Variants in BRD9 observed in about 807,000 individuals in gnomAD.
BRD9 encodes bromodomain-containing protein 9.
Under a neutral mutation model 68.7 loss-of-function variants are expected in BRD9, and 47 were observed. The ratio of observed to expected loss-of-function variants is 0.68; its 90% CI spans 0.54 to 0.87. The LOEUF is 0.87. BRD9 is among the 40% of genes least tolerant of loss of function. The pLI is 0.00. For synonymous variants in BRD9, 313 were observed against 293.9 expected (o/e 1.06, Z -0.67); for missense variants, 670 against 748.4 (o/e 0.90, Z 1.22).
intron 12 of BRD9, among the ~76,000 whole-genome samples, chr5:874,604 A>G (rs1299586617): frequency 6.6e-6 from 1 of 152,264 alleles, no homozygotes; most frequent in East Asian, 1.9e-4. Flanking sequence ...GAAACGGCAG[A>G]GGCGACAGAC....
intron 6 of BRD9, 124 bp from the exon 7 acceptor site, chr5:886,831 G>A (rs1204883239): frequency 4.0e-6 from 6 of 1,483,008 alleles, no homozygotes; most frequent in South Asian, 2.5e-5. Flanking sequence ...GTGCCGTGAC[G>A]ATGGGATGGG....
chr5:884,101 A>T, intron 7 of BRD9, 31 bp from the exon 8 acceptor site: 1 of 1,605,628 alleles, frequency 6.2e-7, no homozygotes, highest in Non-Finnish European at 8.5e-7. Flanking sequence ...AGTCACCTGG[A>T]GGCAGCGTCC....
intron 6 of BRD9, chr5:886,976 G>A (rs1192035144): frequency 1.8e-6 from 1 of 544,432 alleles, no homozygotes; most frequent in East Asian, 3.3e-5. Context: ...CTCCTACGTG[G>A]GATGCATGCA....
intron 8 of BRD9, chr5:883,560 G>A (rs952699371): frequency 1.5e-5 from 6 of 391,108 alleles, no homozygotes; most frequent in African/African-American, 4.2e-5. Context: ...CCATCTGTCG[G>A]ATCCAACACC....
chr5:878,475 G>T lies in BRD9; in HGVS notation c.1151C>A (p.Ser384Tyr). The T allele has an allele frequency of 6.2e-7, 1 of 1,614,204 alleles. No individual in the cohort carries two copies. Among genetic ancestry groups the T allele is most frequent in the Non-Finnish European group, 8.5e-7 (1 of 1,180,052 alleles). ...CATCGAAAGCGCAGTAGTGGCACTG[G>T]AGAGAAAGGTGACTGGGAGGAAGAG... The part of the protein sequence containing the change: ...DERRNKVTFL[S>Y]SATTALSMQN... Residue 384 changes from serine to tyrosine, a missense_variant, in exon 11 of 16, where the codon TCC becomes TAC. Physicochemically the swap from Ser to Tyr is moderately radical, Grantham distance 144 (BLOSUM62 -2). Transcript: ENST00000467963.
intron 12 of BRD9, among the ~76,000 whole-genome samples, chr5:875,698 G>A (rs193056647): frequency 6.6e-6 from 1 of 151,950 alleles, no homozygotes; most frequent in South Asian, 2.1e-4. Flanking sequence ...TACAGTAGAT[G>A]GGAAAAAAGG....
At chr5:883,760 G>A in intron 8 of BRD9, 178 bp downstream of exon 8, 1 of 867,630 alleles carries the variant, frequency 1.2e-6, no homozygotes, top group East Asian at 2.7e-5. Flanking sequence ...GAGGCACCTG[G>A]ACCCCGACTG....
intron 15 of BRD9, among the ~76,000 whole-genome samples, chr5:864,838 GGGCAGTTCCCAAA>G (rs1007716673): frequency 1.6e-4 from 25 of 152,296 alleles, no homozygotes; most frequent in African/African-American, 5.8e-4. Context: ...CCAGACCTCA[GGGCAGTTCCCAAA>G]GTCATACTGG....
In BRD9 at chr5:871,552, G is replaced by A; in HGVS notation, c.1396C>T (p.Pro466Ser). ...LFQLKQRRNVPMKPPDEAKVG... is the reference protein window; with the variant it reads ...LFQLKQRRNVSMKPPDEAKVG... ...TTGGCTTCATCTGGAGGCTTCATGG[G>A]AACATTTCTTCTCTGAAAAGTAAAT... The change falls in exon 13 of 16, where the codon CCC (proline) becomes TCC (serine). Residue 466 changes from proline (P) to serine (S), a missense_variant. Pro to Ser is a moderately conservative substitution (Grantham distance 74). Transcript: ENST00000467963. 2 of 1,614,086 alleles carry A rather than the reference G, an allele frequency of 1.2e-6. No homozygotes were observed. The highest frequency in any genetic ancestry group is 1.7e-6 in the Non-Finnish European group (2 of 1,179,924).
chr5:868,944 G>A (rs751110472), intron 14 of BRD9: 49 of 191,020 alleles, frequency 2.6e-4, no homozygotes, highest in Non-Finnish European at 2.9e-4. Context: ...GCGCTGCACC[G>A]GCAGCCTCCC....
chr5:892,670 G>T lies in BRD9; in HGVS notation c.-13C>A. 1 of 1,409,648 alleles carries T rather than the reference G, an allele frequency of 7.1e-7. No individual in the cohort carries two copies. Among genetic ancestry groups the T allele is most frequent in the South Asian group, 1.6e-5 (1 of 63,810 alleles). 87.3% of individuals were successfully genotyped at this position (1,409,648 alleles called of 1,614,324 possible). On this transcript the variant is annotated 5_prime_UTR_variant, in exon 1 of 16. Transcript: ENST00000467963. The stretch of plus-strand genomic sequence containing the variant: ...GCTTCTTGCCCATGGCGGCGCCGGC[G>T]GCGGGCCCGAGGCGGGGGCTGGGAA...
In BRD9 at chr5:891,844, G is replaced by A. The variant is rs1380803740; in HGVS notation, c.63C>T (p.Asp21=). The part of the protein sequence containing the change: ...EWRSSYEDYA[D]KPLEKPLKLV... Reference sequence around the variant, plus strand: ...GCTTTAGAGGCTTCTCCAGGGGCTTGTCGGCATAATCTGCACAGACACAGA... The same window carrying A: ...GCTTTAGAGGCTTCTCCAGGGGCTTATCGGCATAATCTGCACAGACACAGA... The change falls in exon 2 of 16, where the codon GAC becomes GAT. Residue 21 remains aspartate (D), a synonymous_variant. Coordinates refer to ENST00000467963, the MANE Select transcript of BRD9 (RefSeq NM_023924.5). 4 of 1,551,340 alleles carry A rather than the reference G, an allele frequency of 2.6e-6. No homozygotes were observed. The highest frequency in any genetic ancestry group is 3.5e-6 in the Non-Finnish European group (4 of 1,146,976).
Position 876,202 on chromosome 5 carries a change from A to C in BRD9, c.1282T>G (p.Phe428Val). The C allele has an allele frequency of 6.2e-7, 1 of 1,613,042 alleles. No individual in the cohort carries two copies. Among genetic ancestry groups the C allele is most frequent in the Non-Finnish European group, 8.5e-7 (1 of 1,179,670 alleles). Residue 428 changes from phenylalanine to valine, a missense_variant, in exon 12 of 16, where the codon TTT becomes GTT. Around this residue, in one of 5 missense-constraint regions of BRD9, gnomAD observed 280 missense variants for 281.5 expected, o/e 0.99. Transcript: ENST00000467963. ...GVQCALSLQE[F>V]VKDAGSYSKK... Reference sequence around the variant, plus strand: ...CTGTAGCTCCCAGCATCCTTCACAAACTCCTGCAGGCTAGAGGGGCCGCGG... The same window carrying C: ...CTGTAGCTCCCAGCATCCTTCACAACCTCCTGCAGGCTAGAGGGGCCGCGG...
At chr5:882,774 C>G (rs980369819) in intron 8 of BRD9, among the ~76,000 whole-genome samples, 2 of 149,238 alleles carry the variant, frequency 1.3e-5, no homozygotes, top group Non-Finnish European at 3.0e-5. Flanking sequence ...TCCCAACACA[C>G]GAGCCACGCA....
intron 2 of BRD9, 111 bp from the exon 3 acceptor site, chr5:891,398 C>T (rs1192800815): frequency 9.8e-6 from 14 of 1,426,748 alleles, no homozygotes; most frequent in African/African-American, 5.8e-5. Flanking sequence ...GGGAAACCCC[C>T]TCCGAGATCC....
At chr5:873,659 T>C (rs1295710470) in intron 12 of BRD9, among the ~76,000 whole-genome samples, 2 of 152,206 alleles carry the variant, frequency 1.3e-5, no homozygotes, top group Admixed American at 1.3e-4. Flanking sequence ...CTGGCCCACC[T>C]TGCTTGGCGC....
Position 873,823 on chromosome 5 carries a change from C to T in BRD9, c.1384-2259G>A, listed in dbSNP as rs1197500280. Among the ~76,000 whole-genome samples the T allele has an allele frequency of 3.3e-5, 5 of 152,230 alleles. No individual in the cohort carries two copies. In the South Asian group the frequency reaches 8.3e-4, roughly 25 times the overall value. On this transcript the variant is annotated intron_variant, in intron 12 of 15. Coordinates refer to ENST00000467963, the MANE Select transcript of BRD9 (RefSeq NM_023924.5). Reference sequence around the variant, plus strand: ...CCCTCCTTGGGAGCCATGAGCCAAACGTTCTCAGAGCCTGGGAAGGACAGA... The same window carrying T: ...CCCTCCTTGGGAGCCATGAGCCAAATGTTCTCAGAGCCTGGGAAGGACAGA...
chr5:870,456 T>C lies in BRD9; in HGVS notation c.1525+17A>G. The stretch of plus-strand genomic sequence containing the variant: ...ACCTTCACCAGGTGCTGTGGGAAAG[T>C]GCCTGTTACAACTCACCCAGAGAGC... On this transcript the variant is annotated intron_variant, in intron 14 of 15. Transcript: ENST00000467963. 1 of 1,594,146 alleles carries C rather than the reference T, an allele frequency of 6.3e-7. No homozygotes were observed. Among genetic ancestry groups the C allele is most frequent in the Non-Finnish European group, 8.6e-7 (1 of 1,161,982 alleles).
At chr5:870,377 G>A in intron 14 of BRD9, 96 bp downstream of exon 14, 1 of 942,420 alleles carries the variant, frequency 1.1e-6, no homozygotes, top group East Asian at 2.5e-5. Flanking sequence ...TGGCATCCCT[G>A]TCTAGTCAGG....
Sources: allele counts gnomAD v4.1 joint callset (sites outside exome capture counted in the v4.1 genomes callset), GRCh38; gene constraint gnomAD v4.1.1; regional missense constraint gnomAD v4.1.1; transcripts MANE v1.5; gene names NCBI Gene and HGNC (gene_info 2026-07-23, HGNC 2026-07-21).